ZNF710: variants seen among roughly 807,000 people sequenced by gnomAD.
ZNF710 encodes zinc finger protein 710.
A neutral mutation model predicts 50.6 loss-of-function variants in ZNF710; 13 were observed. That is an observed-to-expected ratio of 0.26 (90% confidence interval 0.17 to 0.41). The LOEUF (loss-of-function observed/expected upper bound fraction) is 0.41, where lower values mean the gene tolerates loss of function less well. Among genes scored for constraint, ZNF710 ranks in the 10% least tolerant of loss-of-function variants. The probability of loss-of-function intolerance (pLI) is 1.00; values close to 1 mark genes in which losing one functional copy is unlikely to be tolerated. For synonymous variants in ZNF710, 383 were observed against 397.0 expected, an observed-to-expected ratio of 0.96 and a Z score of 0.42; for missense variants, 721 against 936.6, an observed-to-expected ratio of 0.77 and a Z score of 3.01.
chr15:90,025,709 C>T (rs1596272962), intron 1 of ZNF710: 1 of 152,338 alleles, frequency 6.6e-6, no homozygotes, highest in East Asian at 1.9e-4. Flanking sequence ...CAGTAACCAA[C>T]TGCAAAAACT....
At chr15:90,044,656 G>A (rs745423631) in intron 1 of ZNF710, among the ~76,000 whole-genome samples, 1 of 152,174 alleles carries the variant, frequency 6.6e-6, no homozygotes, top group Non-Finnish European at 1.5e-5. Flanking sequence ...GAACAGTTTG[G>A]TTTTTTCCCT....
intron 1 of ZNF710, among the ~76,000 whole-genome samples, chr15:90,030,951 G>A (rs1379171676): frequency 5.6e-5 from 8 of 143,938 alleles, no homozygotes; most frequent in Admixed American, 1.4e-4. Context: ...CCCGGGAGGC[G>A]GAGCTTGCAG....
intron 1 of ZNF710, among the ~76,000 whole-genome samples, chr15:90,043,886 TTTC>T (rs1387261785): frequency 6.6e-6 from 1 of 152,204 alleles, no homozygotes; most frequent in Non-Finnish European, 1.5e-5. Flanking sequence ...TTTTCCCCTT[TTTC>T]TTCTTCTATT....
chr15:90,075,046 C>T, intron 4 of ZNF710: 1 of 162,826 alleles, frequency 6.1e-6, no homozygotes, highest in South Asian at 1.7e-4. Context: ...AGAAAACATC[C>T]CAAGTGTTAG....
intron 1 of ZNF710, among the ~76,000 whole-genome samples, chr15:90,029,661 G>A (rs1411689321): frequency 2.0e-5 from 3 of 152,186 alleles, no homozygotes; most frequent in Middle Eastern, 3.4e-3. Context: ...TGTCGTCTAG[G>A]CTGGAGTGCA....
chr15:90,005,700 G>A (rs929064455), intron 1 of ZNF710, among the ~76,000 whole-genome samples: 4 of 152,134 alleles, frequency 2.6e-5, no homozygotes, highest in Admixed American at 2.0e-4. Flanking sequence ...TGCCCGCCTC[G>A]GCCTCCCAAA....
chr15:90,036,261 T>C (rs1899122445), intron 1 of ZNF710, among the ~76,000 whole-genome samples: 1 of 119,270 alleles, frequency 8.4e-6, no homozygotes, highest in Non-Finnish European at 1.6e-5. Context: ...CCTCTGTTTC[T>C]CTCTCCCTCT....
At chr15:90,015,996 A>G (rs1898446127) in intron 1 of ZNF710, among the ~76,000 whole-genome samples, 1 of 152,196 alleles carries the variant, frequency 6.6e-6, no homozygotes, top group Non-Finnish European at 1.5e-5. Context: ...AGACATTTTA[A>G]GTGAGAGAGA....
At chr15:90,013,385 G>GACCACTGTGCCTGGCCAGGTGTT (rs1898366627) in intron 1 of ZNF710, among the ~76,000 whole-genome samples, 1 of 152,206 alleles carries the variant, frequency 6.6e-6, no homozygotes, top group Non-Finnish European at 1.5e-5. Flanking sequence ...TTACAGGTGT[G>GACCACTGTGCCTGGCCAGGTGTT]ACCACTGTGC....
upstream of ZNF710, among the ~76,000 whole-genome samples, chr15:90,000,074 G>T (rs948524737): frequency 1.3e-5 from 2 of 151,862 alleles, no homozygotes; most frequent in African/African-American, 4.8e-5. Context: ...TGCAGCCCCA[G>T]TCCGAGGGCC....
chr15:90,055,246 A>AG (rs1899774880), intron 1 of ZNF710, among the ~76,000 whole-genome samples: 1 of 152,190 alleles, frequency 6.6e-6, no homozygotes, highest in African/African-American at 2.4e-5. Flanking sequence ...AGGGTGGGGC[A>AG]GGGGGTCCGG....
At chr15:90,079,259 G>A (rs1256447118) in intron 4 of ZNF710, among the ~76,000 whole-genome samples, 1 of 152,258 alleles carries the variant, frequency 6.6e-6, no homozygotes, top group African/African-American at 2.4e-5. Context: ...CATGCAGCAG[G>A]TGCTAATGAG....
chr15:90,048,507 G>A (rs747595947), intron 1 of ZNF710, among the ~76,000 whole-genome samples: 13 of 152,122 alleles, frequency 8.5e-5, no homozygotes, highest in Non-Finnish European at 1.5e-4. Context: ...GCTTCTGGGC[G>A]TTTTGGTTTC....
intron 1 of ZNF710, among the ~76,000 whole-genome samples, chr15:90,012,731 T>G (rs1898347261): frequency 6.6e-6 from 1 of 152,238 alleles, no homozygotes; most frequent in African/African-American, 2.4e-5. Flanking sequence ...GTATTTTTAA[T>G]ATCAATATTA....
chr15:90,053,374 G>A (rs1192377456), intron 1 of ZNF710, among the ~76,000 whole-genome samples: 1 of 149,494 alleles, frequency 6.7e-6, no homozygotes, highest in Non-Finnish European at 1.5e-5. Context: ...TTTGAGACAC[G>A]GTCTCACTCT....
chr15:90,007,026 C>G (rs1307675189), intron 1 of ZNF710, among the ~76,000 whole-genome samples: 1 of 152,080 alleles, frequency 6.6e-6, no homozygotes, highest in African/African-American at 2.4e-5. Flanking sequence ...TTGATGGAGA[C>G]CCTGCAGACT....
At chr15:90,050,354 C>T (rs1899600789) in intron 1 of ZNF710, among the ~76,000 whole-genome samples, 1 of 152,206 alleles carries the variant, frequency 6.6e-6, no homozygotes, top group African/African-American at 2.4e-5. Context: ...TTCACCTGCC[C>T]TCAGACCTCA....
chr15:90,048,477 G>T (rs532285300), intron 1 of ZNF710, among the ~76,000 whole-genome samples: 3 of 152,232 alleles, frequency 2.0e-5, no homozygotes, highest in African/African-American at 7.2e-5. Flanking sequence ...ATGTGAGTGC[G>T]TGTGGGCTTC....
intron 4 of ZNF710, among the ~76,000 whole-genome samples, chr15:90,077,325 G>C (rs1243582470): frequency 1.4e-5 from 2 of 143,556 alleles, no homozygotes; most frequent in African/African-American, 5.2e-5. Context: ...CTCACTGCAA[G>C]CTCCACCTCC....
Sources: gnomAD v4.1 joint callset for allele counts (sites outside exome capture counted in the v4.1 genomes callset) on GRCh38, gnomAD v4.1.1 for gene constraint, MANE v1.5 for transcripts, NCBI Gene and HGNC (gene_info 2026-07-23, HGNC 2026-07-21) for gene names.